MLLT3: variants seen among roughly 807,000 people sequenced by gnomAD.
The protein encoded by MLLT3 is protein AF-9.
A neutral mutation model predicts 53.2 loss-of-function variants in MLLT3; 4 were observed. That is an observed-to-expected ratio of 0.08 (90% confidence interval 0.04 to 0.17). MLLT3 has a LOEUF of 0.17. Ranked by LOEUF, MLLT3 falls within the 10% of genes least tolerant of loss-of-function variation. The pLI is 1.00. For synonymous variants in MLLT3, 283 were observed against 230.6 expected (o/e 1.23, Z -2.06); for missense variants, 569 against 684.0 (o/e 0.83, Z 1.87).
intron 2 of MLLT3, among the ~76,000 whole-genome samples, chr9:20,479,262 A>C (rs1375427040): frequency 6.6e-6 from 1 of 152,126 alleles, no homozygotes; most frequent in Admixed American, 6.6e-5. Flanking sequence ...GTTTCTTAGG[A>C]AAGTTGTTAA....
chr9:20,569,454 T>G (rs935818677), intron 2 of MLLT3, among the ~76,000 whole-genome samples: 33 of 152,070 alleles, frequency 2.2e-4, no homozygotes, highest in South Asian at 4.2e-4. Flanking sequence ...ATAGCAATCA[T>G]CTATCTACAC....
At chr9:20,512,405 C>G (rs1318011925) in intron 2 of MLLT3, among the ~76,000 whole-genome samples, 2 of 152,176 alleles carry the variant, frequency 1.3e-5, no homozygotes, top group African/African-American at 4.8e-5. Context: ...GACTCCAGAA[C>G]TATTAGCACC....
chr9:20,607,020 T>C (rs1196821035), intron 2 of MLLT3, among the ~76,000 whole-genome samples: 1 of 152,106 alleles, frequency 6.6e-6, no homozygotes, highest in African/African-American at 2.4e-5. Context: ...CACTGCAAAA[T>C]ATGCTCCCAC....
chr9:20,459,821 T>G (rs1312788058), intron 2 of MLLT3, among the ~76,000 whole-genome samples: 3 of 152,206 alleles, frequency 2.0e-5, no homozygotes, highest in Non-Finnish European at 2.9e-5. Flanking sequence ...TATAATTATT[T>G]TTAAATGCAA....
At chr9:20,562,649 A>G (rs1448529986) in intron 2 of MLLT3, among the ~76,000 whole-genome samples, 1 of 152,198 alleles carries the variant, frequency 6.6e-6, no homozygotes, top group Non-Finnish European at 1.5e-5. Context: ...CATTTCCCAG[A>G]TACATGTGCA....
intron 2 of MLLT3, among the ~76,000 whole-genome samples, chr9:20,532,232 G>A (rs1035395956): frequency 5.9e-5 from 9 of 151,380 alleles, no homozygotes; most frequent in Admixed American, 2.6e-4. Context: ...AGTGACCCTC[G>A]CAAACATTCA....
At chr9:20,541,211 G>C (rs1818621610) in intron 2 of MLLT3, among the ~76,000 whole-genome samples, 1 of 152,140 alleles carries the variant, frequency 6.6e-6, no homozygotes, top group Non-Finnish European at 1.5e-5. Context: ...CATACAATAA[G>C]TCTTGAGGAA....
intron 5 of MLLT3, among the ~76,000 whole-genome samples, chr9:20,404,864 C>T (rs1230280643): frequency 6.6e-6 from 1 of 152,070 alleles, no homozygotes; most frequent in Admixed American, 6.6e-5. Flanking sequence ...GACCACTCCT[C>T]CTGAGCCCAC....
chr9:20,621,788 G>A lies in MLLT3; in HGVS notation c.12+457C>T. ...GAGAACGCACCATCGTAGCGGCCGC[G>A]GCGCTTTGCGGAGGTGCGGCCGCCG... On this transcript the variant is annotated intron_variant, in intron 1 of 10. Transcript: ENST00000380338. The surrounding 1 kb of genome is among the most constrained non-coding windows in gnomAD (Gnocchi z 7.0). 2.0e-6 allele frequency: 3 copies of A among 1,470,606 alleles called. No individual in the cohort carries two copies. In the South Asian group the frequency reaches 3.9e-5, roughly 19 times the overall value. The allele number at this position is 1,470,606 out of a possible 1,614,324, so 91.1% of individuals were successfully genotyped here.
At chr9:20,473,940 G>A (rs1824458292) in intron 2 of MLLT3, among the ~76,000 whole-genome samples, 1 of 152,210 alleles carries the variant, frequency 6.6e-6, no homozygotes, top group African/African-American at 2.4e-5. Flanking sequence ...CTTCATGTCT[G>A]TTCCTAGAAG....
intron 2 of MLLT3, among the ~76,000 whole-genome samples, chr9:20,484,293 T>C (rs540344165): frequency 1.3e-4 from 20 of 152,300 alleles, no homozygotes; most frequent in African/African-American, 4.3e-4. Flanking sequence ...TGAAAAAGTA[T>C]TATCAGAAAA....
chr9:20,438,682 G>A (rs895510016), intron 4 of MLLT3, among the ~76,000 whole-genome samples: 2 of 152,046 alleles, frequency 1.3e-5, no homozygotes, highest in African/African-American at 4.8e-5. Flanking sequence ...TGATCCTCCT[G>A]CCCCAGTCTC....
intron 2 of MLLT3, among the ~76,000 whole-genome samples, chr9:20,568,995 T>C (rs1281920128): frequency 1.3e-5 from 2 of 152,108 alleles, no homozygotes; most frequent in African/African-American, 4.8e-5. Context: ...AACACAAAGA[T>C]AATAATTCAT....
At position 20,389,093 on chromosome 9, in the gene MLLT3, C is replaced by A. The variant is rs374970395; in HGVS notation, c.1126-23349G>T. On this transcript the variant is annotated intron_variant, in intron 5 of 10. Coordinates refer to ENST00000380338, the MANE Select transcript of MLLT3 (RefSeq NM_004529.4). Reference sequence around the variant, plus strand: ...TTCACGGCAGCATTATTCACAGCAGCCAAAAGGTGAAAACAATCCAAGTGT... The same window carrying A: ...TTCACGGCAGCATTATTCACAGCAGACAAAAGGTGAAAACAATCCAAGTGT... Among the ~76,000 whole-genome samples the A allele has an allele frequency of 3.9e-5, 6 of 152,154 alleles. No homozygotes were observed. In the East Asian group the frequency reaches 1.2e-3, roughly 29 times the overall value.
intron 4 of MLLT3, among the ~76,000 whole-genome samples, chr9:20,443,998 A>G (rs1246002295): frequency 6.6e-6 from 1 of 152,214 alleles, no homozygotes; most frequent in Non-Finnish European, 1.5e-5. Flanking sequence ...AAGTTAGTAG[A>G]ATAATAAATT....
chr9:20,567,415 G>A (rs1395148870), intron 2 of MLLT3, among the ~76,000 whole-genome samples: 8 of 151,326 alleles, frequency 5.3e-5, no homozygotes, highest in Admixed American at 5.3e-4. Flanking sequence ...CCTTGCTGTT[G>A]CAATCAAGCC....
intron 2 of MLLT3, among the ~76,000 whole-genome samples, chr9:20,548,249 C>T (rs539133845): frequency 3.3e-5 from 5 of 152,332 alleles, no homozygotes; most frequent in Admixed American, 2.0e-4. Flanking sequence ...TATTGGACAG[C>T]ATATGTCTAA....
intron 2 of MLLT3, among the ~76,000 whole-genome samples, chr9:20,538,495 T>A (rs1426587461): frequency 2.6e-5 from 4 of 152,196 alleles, no homozygotes; most frequent in Non-Finnish European, 5.9e-5. Context: ...ATATCAGGAA[T>A]ACCTGAGAAG....
chr9:20,598,798 T>C (rs1820340367), intron 2 of MLLT3, among the ~76,000 whole-genome samples: 1 of 152,214 alleles, frequency 6.6e-6, no homozygotes, highest in Non-Finnish European at 1.5e-5. Flanking sequence ...CCAGAAAACC[T>C]GGTGGCAATG....
Sources: gnomAD v4.1 joint callset for allele counts (sites outside exome capture counted in the v4.1 genomes callset) on GRCh38, gnomAD v4.1.1 for gene constraint, Gnocchi (gnomAD v3.1) non-coding constraint, MANE v1.5 for transcripts, NCBI Gene and HGNC (gene_info 2026-07-23, HGNC 2026-07-21) for gene names.